The following LYPLAL1 variants were observed in gnomAD, a reference collection of about 807,000 sequenced individuals.
LYPLAL1 encodes the protein lysophospholipase like 1.
Under a neutral mutation model 19.7 loss-of-function variants are expected in LYPLAL1, and 23 were observed. That is an observed-to-expected ratio of 1.17 (90% confidence interval 0.84 to 1.65). The LOEUF is 1.65. LYPLAL1 is among the 40% of genes most tolerant of loss of function. LYPLAL1 has a pLI of 0.00. For synonymous variants in LYPLAL1, 119 were observed against 96.3 expected, an observed-to-expected ratio of 1.24 and a Z score of -1.38; for missense variants, 355 against 279.4, an observed-to-expected ratio of 1.27 and a Z score of -1.93.
At chr1:219,400,812 A>C in the LYPLAL1 span, among the ~76,000 whole-genome samples, 2 of 152,286 alleles carry the variant, frequency 1.3e-5, no homozygotes, top group African/African-American at 4.8e-5. Flanking sequence ...TCTATCATCT[A>C]TCTATCTATC....
the LYPLAL1 span, among the ~76,000 whole-genome samples, chr1:219,315,743 A>G: frequency 6.6e-6 from 1 of 152,184 alleles, no homozygotes. Context: ...CTACAAAAAT[A>G]TCAGCAGATA....
the LYPLAL1 span, chr1:219,273,122 A>G: frequency 9.9e-5 from 15 of 152,204 alleles, no homozygotes; most frequent in Admixed American, 2.6e-4. Flanking sequence ...TATATTTAAT[A>G]CCATATGTTA....
the LYPLAL1 span, among the ~76,000 whole-genome samples, chr1:219,352,543 A>T: frequency 5.3e-5 from 8 of 152,170 alleles, no homozygotes; most frequent in Non-Finnish European, 1.2e-4. Context: ...AAATAAATAA[A>T]ATATCCACAG....
chr1:219,416,174 T>A, the LYPLAL1 span, among the ~76,000 whole-genome samples: 1 of 152,232 alleles, frequency 6.6e-6, no homozygotes, highest in East Asian at 1.9e-4. Flanking sequence ...AAATTTTTAT[T>A]TTATTCAGAT....
At chr1:219,221,791 T>C in the LYPLAL1 span, among the ~76,000 whole-genome samples, 1 of 152,190 alleles carries the variant, frequency 6.6e-6, no homozygotes, top group Non-Finnish European at 1.5e-5. Flanking sequence ...TCTGGCTGTT[T>C]CCAATCAGTA....
At chr1:219,210,406 C>T (rs528512292) in intron 3 of LYPLAL1, 126 bp from the exon 4 acceptor site, 56 of 619,718 alleles carry the variant, frequency 9.0e-5, no homozygotes, top group South Asian at 1.5e-4. Flanking sequence ...TTAGAGTAGA[C>T]GAAATTTCTT....
At chr1:219,395,770 G>T in the LYPLAL1 span, among the ~76,000 whole-genome samples, 1 of 152,040 alleles carries the variant, frequency 6.6e-6, no homozygotes, top group East Asian at 1.9e-4. Flanking sequence ...TTAAGTCCTT[G>T]ATCCATCTTG....
the LYPLAL1 span, among the ~76,000 whole-genome samples, chr1:219,235,992 G>A: frequency 6.6e-6 from 1 of 152,174 alleles, no homozygotes; most frequent in African/African-American, 2.4e-5. Context: ...TAGTCCTTAT[G>A]TGAAGGACCT....
the LYPLAL1 span, among the ~76,000 whole-genome samples, chr1:219,402,003 T>C: frequency 6.6e-6 from 1 of 152,176 alleles, no homozygotes; most frequent in African/African-American, 2.4e-5. Flanking sequence ...TCCTATTGCA[T>C]AGAGAGGCTT....
At chr1:219,186,737 T>A (rs756120591) in intron 2 of LYPLAL1, among the ~76,000 whole-genome samples, 34 of 151,874 alleles carry the variant, frequency 2.2e-4, no homozygotes, top group Admixed American at 5.9e-4. Context: ...TTAACCTACC[T>A]ATATCATTGT....
chr1:219,294,038 T>G, the LYPLAL1 span, among the ~76,000 whole-genome samples: 1 of 152,210 alleles, frequency 6.6e-6, no homozygotes, highest in Non-Finnish European at 1.5e-5. Context: ...ATTTGACTAT[T>G]TTCCCACTGT....
chr1:219,215,422 T>A (rs912772479), downstream of LYPLAL1, among the ~76,000 whole-genome samples: 8 of 152,108 alleles, frequency 5.3e-5, no homozygotes, highest in Non-Finnish European at 8.8e-5. Flanking sequence ...ACCAACTTGA[T>A]TATTGTGTGT....
chr1:219,435,719 G>A, the LYPLAL1 span, among the ~76,000 whole-genome samples: 14 of 152,062 alleles, frequency 9.2e-5, no homozygotes, highest in African/African-American at 1.7e-4. Flanking sequence ...CCAGCTACTC[G>A]GGAGGCTGAG....
At chr1:219,402,537 T>G in the LYPLAL1 span, among the ~76,000 whole-genome samples, 1 of 151,976 alleles carries the variant, frequency 6.6e-6, no homozygotes, top group Non-Finnish European at 1.5e-5. Context: ...TAATTATTCT[T>G]GGACCAGTAT....
At chr1:219,175,765 T>A (rs1262065939) in intron 1 of LYPLAL1, among the ~76,000 whole-genome samples, 1 of 152,184 alleles carries the variant, frequency 6.6e-6, no homozygotes, top group East Asian at 1.9e-4. Flanking sequence ...GGAGTAGGTC[T>A]TTATCATCCA....
the LYPLAL1 span, among the ~76,000 whole-genome samples, chr1:219,427,124 A>G: frequency 2.0e-4 from 30 of 152,244 alleles, no homozygotes; most frequent in African/African-American, 6.5e-4. Context: ...ATGTGGTCCT[A>G]TGGACTTTCT....
At chr1:219,333,669 A>C in the LYPLAL1 span, among the ~76,000 whole-genome samples, 2 of 152,098 alleles carry the variant, frequency 1.3e-5, no homozygotes, top group African/African-American at 4.8e-5. Flanking sequence ...TTAAAATTAC[A>C]GAAAGAACAA....
At chr1:219,336,041 T>C in the LYPLAL1 span, among the ~76,000 whole-genome samples, 1 of 150,604 alleles carries the variant, frequency 6.6e-6, no homozygotes, top group Non-Finnish European at 1.5e-5. Flanking sequence ...TCGAATGTCT[T>C]TCTGTTTGGT....
At chr1:219,205,624 A>G (rs766935199) in intron 3 of LYPLAL1, among the ~76,000 whole-genome samples, 1 of 152,270 alleles carries the variant, frequency 6.6e-6, no homozygotes, top group Middle Eastern at 3.4e-3. Context: ...CAATGGGTGT[A>G]TATTAATTTT....
Sources: allele counts gnomAD v4.1 joint callset (sites outside exome capture counted in the v4.1 genomes callset), GRCh38; gene constraint gnomAD v4.1.1; transcripts MANE v1.5; gene names NCBI Gene and HGNC (gene_info 2026-07-23, HGNC 2026-07-21).